Variants in CFAP70 observed in about 807,000 individuals in gnomAD.
CFAP70 encodes cilia and flagella associated protein 70, also known as cilia- and flagella-associated protein 70.
CFAP70 carries 81 observed loss-of-function variants against 137.6 expected under a neutral mutation model. The ratio of observed to expected loss-of-function variants is 0.59; its 90% CI spans 0.49 to 0.71. The LOEUF is 0.71. CFAP70 is among the 30% of genes least tolerant of loss of function. The probability of loss-of-function intolerance (pLI) is 0.00; values close to 1 mark genes in which losing one functional copy is unlikely to be tolerated. For synonymous variants in CFAP70, 382 were observed against 423.6 expected, an observed-to-expected ratio of 0.90 and a Z score of 1.20; for missense variants, 976 against 1,226.7, an observed-to-expected ratio of 0.80 and a Z score of 3.05.
chr10:73,291,314 A>C, exon 19 of CFAP70: 9 of 1,614,130 alleles, frequency 5.6e-6, no homozygotes, highest in South Asian at 1.1e-5. Context: ...CTCTTTCCTC[A>C]GTGTCTTCTA....
intron 19 of CFAP70, among the ~76,000 whole-genome samples, chr10:73,280,183 G>A (rs2047159016): frequency 6.6e-6 from 1 of 152,012 alleles, no homozygotes; most frequent in African/African-American, 2.4e-5. Context: ...GAATTATTGT[G>A]TCTAACCAGG....
In CFAP70 at chr10:73,323,455, G is replaced by A. The variant is rs1343263392; in HGVS notation, c.778-358C>T. Reference sequence around the variant, plus strand: ...GAGGTACCGGGTTCATCTCACTAGGGGGTGCCAGACAGTGGGCACAGGTCA... The same window carrying A: ...GAGGTACCGGGTTCATCTCACTAGGAGGTGCCAGACAGTGGGCACAGGTCA... On this transcript the variant is annotated intron_variant, in intron 8 of 26. Transcript: ENST00000310715. Among the ~76,000 whole-genome samples the A allele has an allele frequency of 2.0e-5, 3 of 152,136 alleles. No individual in the cohort carries two copies. The East Asian group carries it at 5.8e-4, about 29-fold the overall frequency.
chr10:73,353,841 A>AT (rs1238551937), intron 2 of CFAP70, 99 bp from the exon 3 acceptor site: 3 of 1,107,112 alleles, frequency 2.7e-6, no homozygotes, highest in Non-Finnish European at 3.9e-6. Flanking sequence ...AGCATTTTTC[A>AT]TTTTTTCCTA....
intron 9 of CFAP70, among the ~76,000 whole-genome samples, chr10:73,321,401 C>T (rs913875667): frequency 2.0e-5 from 3 of 152,044 alleles, no homozygotes; most frequent in Non-Finnish European, 4.4e-5. Context: ...TTGGGCAACA[C>T]AGCGAGACTC....
chr10:73,298,251 A>G (rs2048688946), intron 14 of CFAP70, among the ~76,000 whole-genome samples: 1 of 152,254 alleles, frequency 6.6e-6, no homozygotes, highest in African/African-American at 2.4e-5. Context: ...TGTTATAAGG[A>G]TTAAATTAGT....
intron 19 of CFAP70, among the ~76,000 whole-genome samples, chr10:73,284,475 A>T (rs1001985908): frequency 2.0e-5 from 3 of 151,874 alleles, no homozygotes; most frequent in Non-Finnish European, 2.9e-5. Flanking sequence ...TCTTTGGAGG[A>T]GCCATTGTTT....
At chr10:73,309,199 G>A (rs891282689) in intron 12 of CFAP70, among the ~76,000 whole-genome samples, 5 of 152,158 alleles carry the variant, frequency 3.3e-5, no homozygotes, top group African/African-American at 9.7e-5. Flanking sequence ...CAATTTTAGA[G>A]GGATAAAAAG....
intron 19 of CFAP70, among the ~76,000 whole-genome samples, chr10:73,279,919 T>TG (rs1462393136): frequency 2.0e-5 from 3 of 151,994 alleles, no homozygotes; most frequent in Non-Finnish European, 4.4e-5. Flanking sequence ...GAAAGCCATG[T>TG]AAGTATATGA....
At chr10:73,309,990 T>G (rs1415911133) in intron 12 of CFAP70, among the ~76,000 whole-genome samples, 168 bp downstream of exon 13, 33 of 152,080 alleles carry the variant, frequency 2.2e-4, no homozygotes. Context: ...CATGCAATGC[T>G]TTTGTGATAA....
chr10:73,269,643 A>G (rs376949820), exon 25 of CFAP70: 3 of 1,613,690 alleles, frequency 1.9e-6, no homozygotes, highest in African/African-American at 2.7e-5. Context: ...AGATATGCCC[A>G]TACTTCAGCA....
intron 6 of CFAP70, among the ~76,000 whole-genome samples, chr10:73,339,424 G>A (rs2053029775): frequency 6.6e-6 from 1 of 152,246 alleles, no homozygotes; most frequent in African/African-American, 2.4e-5. Context: ...GACTGTCACA[G>A]AATCCTTGGT....
chr10:73,301,021 C>T (rs2048910159), intron 12 of CFAP70, among the ~76,000 whole-genome samples: 1 of 152,046 alleles, frequency 6.6e-6, no homozygotes, highest in Non-Finnish European at 1.5e-5. Flanking sequence ...GATAAACAAA[C>T]AAGATAAATA....
chr10:73,287,569 C>A (rs943375915), intron 19 of CFAP70, among the ~76,000 whole-genome samples: 2 of 152,100 alleles, frequency 1.3e-5, no homozygotes, highest in African/African-American at 4.8e-5. Context: ...TTTATGCATG[C>A]ATGGCCTCAA....
intron 25 of CFAP70, among the ~76,000 whole-genome samples, chr10:73,262,247 G>A (rs1208096506): frequency 6.6e-6 from 1 of 151,662 alleles, no homozygotes; most frequent in Non-Finnish European, 1.5e-5. Context: ...CTGCTATTAT[G>A]AAGAGCCTGA....
chr10:73,267,050 T>A (rs540648597), intron 25 of CFAP70, among the ~76,000 whole-genome samples: 12 of 152,346 alleles, frequency 7.9e-5, no homozygotes, highest in African/African-American at 2.9e-4. Flanking sequence ...TTTTATCCCA[T>A]AATTCTAATA....
intron 5 of CFAP70, among the ~76,000 whole-genome samples, chr10:73,344,386 G>A (rs77657997): frequency 0.046 from 6,959 of 152,260 alleles, 489 homozygotes; most frequent in African/African-American, 0.15. Context: ...CTCAAAGTTG[G>A]AGAGAGGGCA....
chr10:73,347,861 A>G (rs1315916876), intron 4 of CFAP70, among the ~76,000 whole-genome samples: 1 of 152,220 alleles, frequency 6.6e-6, no homozygotes, highest in African/African-American at 2.4e-5. Flanking sequence ...AGTTATTTCC[A>G]TGGTTAAGCC....
chr10:73,361,853 G>GTT (rs146636199), upstream of CFAP70, among the ~76,000 whole-genome samples: 6,927 of 147,924 alleles, frequency 0.047, 487 homozygotes, highest in African/African-American at 0.16. Flanking sequence ...AACCCCAACT[G>GTT]TTTTTTTTTT....
chr10:73,356,214 T>A (rs1404419940), intron 1 of CFAP70, among the ~76,000 whole-genome samples: 1 of 152,010 alleles, frequency 6.6e-6, no homozygotes, highest in Non-Finnish European at 1.5e-5. Flanking sequence ...TTCCTTTTTT[T>A]TTTTTTCAGG....
Sources: allele counts gnomAD v4.1 joint callset (sites outside exome capture counted in the v4.1 genomes callset), GRCh38; gene constraint gnomAD v4.1.1; transcripts MANE v1.5; gene names NCBI Gene and HGNC (gene_info 2026-07-23, HGNC 2026-07-21).